The following FGD3 variants were observed in gnomAD, a reference collection of about 807,000 sequenced individuals.
FGD3 encodes the protein FYVE, RhoGEF and PH domain containing 3.
Under a neutral mutation model 71.8 loss-of-function variants are expected in FGD3, and 45 were observed. That is an observed-to-expected ratio of 0.63 (90% CI 0.49 to 0.80). The LOEUF (loss-of-function observed/expected upper bound fraction) is 0.80. Ranked by LOEUF, FGD3 falls within the 30% of genes least tolerant of loss-of-function variation. FGD3 has a pLI of 0.00. For synonymous variants in FGD3, 378 were observed against 392.8 expected (o/e 0.96, Z 0.44); for missense variants, 844 against 951.5 (o/e 0.89, Z 1.49).
intron 3 of FGD3, among the ~76,000 whole-genome samples, chr9:92,986,240 C>T (rs1860182436): frequency 1.3e-5 from 2 of 152,174 alleles, no homozygotes; most frequent in South Asian, 4.1e-4. Context: ...TCTCCATGAC[C>T]TTATAGTGAC....
intron 6 of FGD3, among the ~76,000 whole-genome samples, chr9:93,008,536 C>T (rs1861160246): frequency 1.3e-5 from 2 of 152,214 alleles, no homozygotes; most frequent in South Asian, 2.1e-4. Flanking sequence ...TGTGCCTTTT[C>T]CTGGAGTGAG....
At chr9:93,032,580 G>A in intron 15 of FGD3, 189 bp from the exon 16 acceptor site, 1 of 615,606 alleles carries the variant, frequency 1.6e-6, no homozygotes. Flanking sequence ...GCCCAGCAGG[G>A]CCAGCCTTGC....
intron 1 of FGD3, among the ~76,000 whole-genome samples, chr9:92,949,146 G>A (rs565303107): frequency 6.6e-6 from 1 of 152,280 alleles, no homozygotes; most frequent in Admixed American, 6.5e-5. Context: ...TGATCTGGGG[G>A]AGGTCAGAGC....
rs144883057 is a variant in FGD3, at chr9:92,953,811, C to T, written c.-218+6082C>T. Among the ~76,000 whole-genome samples the T allele has an allele frequency of 2.0e-4, 30 of 152,328 alleles. No individual in the cohort carries two copies. The East Asian group carries it at 5.8e-3, about 29-fold the overall frequency. ...AAATGTTTTGCAAAAAATGTGTTTT[C>T]AGAAAGCAGAATTACACTCAGTATC... On this transcript the variant is annotated intron_variant, in intron 1 of 17. Transcript: ENST00000375482.
chr9:92,959,277 T>C (rs1210078665), intron 1 of FGD3, among the ~76,000 whole-genome samples: 1 of 151,998 alleles, frequency 6.6e-6, no homozygotes, highest in African/African-American at 2.4e-5. Flanking sequence ...TATTGTATTA[T>C]AGTAATTATT....
chr9:93,020,634 G>T (rs1181461164), intron 13 of FGD3: 2 of 545,204 alleles, frequency 3.7e-6, no homozygotes, highest in Non-Finnish European at 3.3e-6. Context: ...ACTATTTGTG[G>T]ATGGGATAAC....
chr9:93,017,116 A>C lies in FGD3; in HGVS notation c.1276-1020A>C, dbSNP rs113795958. Among the ~76,000 whole-genome samples, 174 of 152,192 alleles carry C rather than the reference A, an allele frequency of 1.1e-3. 1 individual carries two copies. The highest frequency in any genetic ancestry group is 4.0e-3 in the African/African-American group (167 of 41,516). On this transcript the variant is annotated intron_variant, in intron 10 of 17. Transcript: ENST00000375482. ...AAACCGTGTCTCTATAAAAAATAAA[A>C]AATTAGCCAGGCATGGTGGCGCACA...
At chr9:92,997,381 C>A (rs150019958) in intron 3 of FGD3, among the ~76,000 whole-genome samples, 1 of 152,056 alleles carries the variant, frequency 6.6e-6, no homozygotes, top group Non-Finnish European at 1.5e-5. Context: ...GCACGTGAGA[C>A]GGGTCTCTTG....
chr9:93,035,489 A>T lies in FGD3; in HGVS notation c.2078A>T (p.Gln693Leu). The T allele has an allele frequency of 6.2e-7, 1 of 1,613,496 alleles. No homozygotes were observed. The highest frequency in any genetic ancestry group is 8.5e-7 in the Non-Finnish European group (1 of 1,180,014). The change falls in exon 18 of 18, where the codon CAG becomes CTG. Residue 693 changes from glutamine to leucine, a missense_variant. Gln to Leu is a moderately radical substitution (Grantham distance 113, BLOSUM62 -2). Coordinates refer to ENST00000375482, the MANE Select transcript of FGD3 (RefSeq NM_001083536.2). ...GCCTCCTCCGCAGAGCTGCAGCAGC[A>T]GTGGCTGGAAACCCTAAGCACTGCT... ...LSASSAELQQ[Q>L]WLETLSTAAH...
chr9:93,027,711 CTTTCTTTTT>C (rs1402802855), intron 14 of FGD3, among the ~76,000 whole-genome samples: 18 of 115,872 alleles, frequency 1.6e-4, no homozygotes, highest in African/African-American at 4.5e-4. Context: ...CTTTTTCTTT[CTTTCTTTTT>C]TTTTTTTTTT....
intron 1 of FGD3, among the ~76,000 whole-genome samples, chr9:92,954,817 C>A (rs905253370): frequency 6.6e-6 from 1 of 152,216 alleles, no homozygotes; most frequent in Non-Finnish European, 1.5e-5. Context: ...AGAGACCAGC[C>A]ACCTCAGCTG....
chr9:93,023,003 C>T (rs955686611), intron 14 of FGD3, among the ~76,000 whole-genome samples: 2 of 152,190 alleles, frequency 1.3e-5, no homozygotes, highest in Admixed American at 6.5e-5. Context: ...TCCGTTTAAT[C>T]TGGGAAGTTA....
chr9:93,033,264 C>G, intron 16 of FGD3: 1 of 323,616 alleles, frequency 3.1e-6, no homozygotes, highest in South Asian at 2.6e-5. Context: ...TGAGCAGGGC[C>G]CTGGAGGCAG....
intron 8 of FGD3, 45 bp from the exon 9 acceptor site, chr9:93,013,806 GC>G: frequency 1.2e-6 from 2 of 1,608,230 alleles, no homozygotes; most frequent in South Asian, 2.2e-5. Context: ...TAGGTCACCA[GC>G]CACTCTCACA....
chr9:93,027,527 A>T (rs1165348962), intron 14 of FGD3, among the ~76,000 whole-genome samples: 1 of 151,992 alleles, frequency 6.6e-6, no homozygotes, highest in African/African-American at 2.4e-5. Context: ...TTTTAACTTA[A>T]TGTCTCTTTA....
At chr9:93,015,678 G>T in intron 9 of FGD3, 59 bp from the exon 10 acceptor site, 1 of 1,382,028 alleles carries the variant, frequency 7.2e-7, no homozygotes, top group African/African-American at 1.4e-5. Flanking sequence ...AGCTCACTGG[G>T]GCCCCTGGGG....
At chr9:92,972,856 T>C (rs955478419) in intron 1 of FGD3, among the ~76,000 whole-genome samples, 2 of 152,180 alleles carry the variant, frequency 1.3e-5, no homozygotes, top group Non-Finnish European at 2.9e-5. Flanking sequence ...TCTTCTGCAA[T>C]GTCTAATTGG....
chr9:92,952,864 C>A (rs1291091719), intron 1 of FGD3, among the ~76,000 whole-genome samples: 1 of 152,122 alleles, frequency 6.6e-6, no homozygotes, highest in Non-Finnish European at 1.5e-5. Context: ...CCGAGGTCCT[C>A]CAGCTCAGCA....
chr9:93,015,182 G>A (rs940903130), intron 9 of FGD3, among the ~76,000 whole-genome samples: 28 of 152,166 alleles, frequency 1.8e-4, no homozygotes, highest in African/African-American at 6.3e-4. Flanking sequence ...TTGGCTGGAC[G>A]TGGTGGCTCA....
Sources: gnomAD v4.1 joint callset for allele counts (sites outside exome capture counted in the v4.1 genomes callset) on GRCh38, gnomAD v4.1.1 for gene constraint, MANE v1.5 for transcripts, NCBI Gene and HGNC (gene_info 2026-07-23, HGNC 2026-07-21) for gene names.